Variants in ANGPT1 observed in about 807,000 individuals in gnomAD.
ANGPT1 encodes the protein angiopoietin-1.
Under a neutral mutation model 62.2 loss-of-function variants are expected in ANGPT1, and 17 were observed. The observed-to-expected ratio is 0.27, with a 90% CI of 0.19 to 0.41. The LOEUF (loss-of-function observed/expected upper bound fraction) is 0.41, where lower values mean the gene tolerates loss of function less well. ANGPT1 is among the 10% of genes least tolerant of loss of function. The probability of loss-of-function intolerance (pLI) is 1.00; values close to 1 mark genes in which losing one functional copy is unlikely to be tolerated. For missense variants in ANGPT1, 478 were observed against 594.9 expected, an observed-to-expected ratio of 0.80 and a Z score of 2.04; for synonymous variants, 199 against 198.9, an observed-to-expected ratio of 1.00 and a Z score of 0.00.
intron 1 of ANGPT1, among the ~76,000 whole-genome samples, chr8:107,420,600 C>T (rs928433962): frequency 6.6e-6 from 1 of 152,102 alleles, no homozygotes; most frequent in African/African-American, 2.4e-5. Flanking sequence ...AGCCTCAGGT[C>T]TCATATCCTC....
chr8:107,371,825 C>A (rs1672193), intron 1 of ANGPT1, among the ~76,000 whole-genome samples: 112,576 of 151,848 alleles, frequency 0.74, 42,688 homozygotes, highest in East Asian at 0.87. Context: ...CCCACAATAA[C>A]TTCTCATTAC....
rs149628829 is a variant in ANGPT1 at position 107,303,371 on chromosome 8, C to CAAAAA, written c.809-9_809-5dup. 4.9e-6 allele frequency: 7 copies of CAAAAA among 1,428,966 alleles called. No homozygotes were observed. In the African/African-American group the frequency reaches 6.4e-5, roughly 13 times the overall value. The allele number at this position is 1,428,966 out of a possible 1,614,324, so 88.5% of individuals were successfully genotyped here. A position where few individuals can be genotyped will look rare whatever the true frequency, so the allele number is the denominator to read the frequency against. On this transcript the variant is annotated splice_polypyrimidine_tract_variant and splice_region_variant and intron_variant, in intron 4 of 8. Transcript: ENST00000517746. ...CTTTTTCCTCCCTTTAGTAAAACTG[C>CAAAAA]AAAAAAAAAAAAAAAGATTGCAATA... is the stretch of plus-strand genomic sequence containing the variant.
chr8:107,486,641 T>C lies in ANGPT1; in HGVS notation c.297+10621A>G, dbSNP rs143550196. On this transcript the variant is annotated intron_variant, in intron 1 of 8. Coordinates refer to ENST00000517746, the MANE Select transcript of ANGPT1 (RefSeq NM_001146.5). ...TAATAACTCTATGGCATAGATACTA[T>C]TATCACCTCAATTTCACCCATAATG... Among the ~76,000 whole-genome samples the C allele has an allele frequency of 1.2e-3, 188 of 152,242 alleles. 3 individuals are homozygous for C. The highest frequency in any genetic ancestry group is 4.2e-3 in the African/African-American group (175 of 41,554).
chr8:107,431,290 A>T (rs1013355577), intron 1 of ANGPT1, among the ~76,000 whole-genome samples: 2 of 152,232 alleles, frequency 1.3e-5, no homozygotes, highest in Non-Finnish European at 2.9e-5. Flanking sequence ...ACCTTGCAAA[A>T]ACACAGATTT....
At chr8:107,391,331 T>G (rs528727915) in intron 1 of ANGPT1, among the ~76,000 whole-genome samples, 1 of 152,332 alleles carries the variant, frequency 6.6e-6, no homozygotes, top group Non-Finnish European at 1.5e-5. Context: ...ATTTTCCCAT[T>G]TATATTTTGT....
At chr8:107,337,815 C>T (rs905546439) in intron 2 of ANGPT1, among the ~76,000 whole-genome samples, 1 of 152,114 alleles carries the variant, frequency 6.6e-6, no homozygotes, top group Non-Finnish European at 1.5e-5. Context: ...ACCAACAGGG[C>T]CAGGTGTGGT....
At chr8:107,441,573 C>T (rs138575781) in intron 1 of ANGPT1, among the ~76,000 whole-genome samples, 244 of 152,242 alleles carry the variant, frequency 1.6e-3, no homozygotes, top group African/African-American at 5.6e-3. Flanking sequence ...TCGGACAGAT[C>T]TTTATTTGAA....
intron 1 of ANGPT1, among the ~76,000 whole-genome samples, chr8:107,482,715 A>G (rs1423511987): frequency 6.6e-6 from 1 of 152,238 alleles, no homozygotes; most frequent in African/African-American, 2.4e-5. Flanking sequence ...TAAAAAAGAA[A>G]TAACTGTATG....
intron 1 of ANGPT1, among the ~76,000 whole-genome samples, chr8:107,390,694 G>A (rs1369194362): frequency 6.6e-6 from 1 of 152,078 alleles, no homozygotes; most frequent in Non-Finnish European, 1.5e-5. Flanking sequence ...CTGTTTACCT[G>A]GCATTATTTA....
chr8:107,343,686 C>T (rs1360511823), intron 2 of ANGPT1, among the ~76,000 whole-genome samples: 1 of 152,146 alleles, frequency 6.6e-6, no homozygotes, highest in African/African-American at 2.4e-5. Flanking sequence ...AAGCATTTTG[C>T]CACATTAACT....
chr8:107,275,222 T>C (rs1813835991), intron 7 of ANGPT1, among the ~76,000 whole-genome samples: 10 of 152,008 alleles, frequency 6.6e-5, no homozygotes. Flanking sequence ...AGAGCAATAT[T>C]GCCCCCAGAG....
intron 1 of ANGPT1, among the ~76,000 whole-genome samples, chr8:107,369,732 G>A (rs1480025987): frequency 6.6e-6 from 1 of 150,384 alleles, no homozygotes; most frequent in Non-Finnish European, 1.5e-5. Context: ...GAGAGATGAG[G>A]AAATGGCCCA....
intron 1 of ANGPT1, among the ~76,000 whole-genome samples, chr8:107,401,767 A>G (rs948990719): frequency 3.9e-5 from 6 of 152,336 alleles, no homozygotes; most frequent in Middle Eastern, 6.8e-3. Flanking sequence ...ATATATGTTT[A>G]TATGGATATA....
chr8:107,445,693 GT>G (rs546413866), intron 1 of ANGPT1, among the ~76,000 whole-genome samples: 123 of 152,096 alleles, frequency 8.1e-4, no homozygotes, highest in Non-Finnish European at 1.5e-3. Flanking sequence ...CATAATTTCT[GT>G]TTTCAAAAAT....
At chr8:107,297,619 G>T (rs1019335973) in intron 5 of ANGPT1, among the ~76,000 whole-genome samples, 3 of 148,630 alleles carry the variant, frequency 2.0e-5, no homozygotes, top group African/African-American at 7.4e-5. Flanking sequence ...ATAAATAATA[G>T]AAAATATACA....
At chr8:107,311,833 G>A (rs1814872218) in intron 4 of ANGPT1, among the ~76,000 whole-genome samples, 1 of 152,130 alleles carries the variant, frequency 6.6e-6, no homozygotes, top group African/African-American at 2.4e-5. Flanking sequence ...GGAAGTCCGA[G>A]GCGGGCGGAT....
At chr8:107,372,814 A>G (rs1184649038) in intron 1 of ANGPT1, among the ~76,000 whole-genome samples, 1 of 151,266 alleles carries the variant, frequency 6.6e-6, no homozygotes, top group Non-Finnish European at 1.5e-5. Context: ...TTTGTGTTAT[A>G]TACGTTATAT....
At chr8:107,317,713 C>T (rs1049425765) in intron 4 of ANGPT1, among the ~76,000 whole-genome samples, 4 of 151,334 alleles carry the variant, frequency 2.6e-5, no homozygotes, top group African/African-American at 9.7e-5. Context: ...TCACTGCAAC[C>T]TTCGCCTCCT....
At chr8:107,456,061 C>T (rs1274070270) in intron 1 of ANGPT1, among the ~76,000 whole-genome samples, 1 of 152,022 alleles carries the variant, frequency 6.6e-6, no homozygotes, top group Non-Finnish European at 1.5e-5. Context: ...GAGAGAGCAA[C>T]ATGATTGTAT....
Sources: gnomAD v4.1 joint callset for allele counts (sites outside exome capture counted in the v4.1 genomes callset) on GRCh38, gnomAD v4.1.1 for gene constraint, MANE v1.5 for transcripts, NCBI Gene and HGNC (gene_info 2026-07-23, HGNC 2026-07-21) for gene names.